The following ASTN1 variants were observed in gnomAD, a reference collection of about 807,000 sequenced individuals.
ASTN1 encodes the protein astrotactin 1.
ASTN1 carries 41 observed loss-of-function variants against 140.7 expected under a neutral mutation model. That is an observed-to-expected ratio of 0.29 (90% CI 0.23 to 0.38). The LOEUF is 0.38. Among genes scored for constraint, ASTN1 ranks in the 10% least tolerant of loss-of-function variants. The pLI is 1.00. For synonymous variants in ASTN1, 640 were observed against 652.2 expected (o/e 0.98, Z 0.29); for missense variants, 1,479 against 1,678.8 (o/e 0.88, Z 2.08).
intron 1 of ASTN1, among the ~76,000 whole-genome samples, chr1:177,066,614 C>T (rs1162518263): frequency 6.6e-6 from 1 of 152,164 alleles, no homozygotes; most frequent in East Asian, 1.9e-4. Context: ...TTCATGCTGG[C>T]AGTCCCTGAA....
At chr1:176,939,570 G>T (rs1282457791) in intron 14 of ASTN1, among the ~76,000 whole-genome samples, 1 of 152,016 alleles carries the variant, frequency 6.6e-6, no homozygotes, top group Admixed American at 6.6e-5. Context: ...ATATTTTCTA[G>T]GTGAGCCATA....
rs893813104 is a variant in ASTN1 at position 177,057,687 on chromosome 1, T to C, written c.471+3391A>G. 2.6e-5 allele frequency among the ~76,000 whole-genome samples: 4 copies of C among 152,158 alleles called. No individual in the cohort carries two copies. In the East Asian group the frequency reaches 7.7e-4, roughly 29 times the overall value. Reference sequence around the variant, plus strand: ...TCCAATTATGCTATTTTGATCTAATTTGAAAACTGTATCAATATTGATCAT... The same window carrying C: ...TCCAATTATGCTATTTTGATCTAATCTGAAAACTGTATCAATATTGATCAT... On this transcript the variant is annotated intron_variant, in intron 2 of 22. Coordinates refer to ENST00000361833, the MANE Select transcript of ASTN1 (RefSeq NM_004319.3).
intron 1 of ASTN1, among the ~76,000 whole-genome samples, chr1:177,083,447 GA>G (rs1031061546): frequency 2.7e-5 from 4 of 149,878 alleles, no homozygotes; most frequent in South Asian, 2.1e-4. Context: ...GCGCCATTGA[GA>G]AAAAAAAATG....
intron 17 of ASTN1, among the ~76,000 whole-genome samples, chr1:176,890,671 G>A (rs1245423650): frequency 6.6e-6 from 1 of 152,198 alleles, no homozygotes; most frequent in Non-Finnish European, 1.5e-5. Flanking sequence ...TGACAAATAA[G>A]CTAAATGTCA....
chr1:176,867,070 A>C (rs2103010270), intron 22 of ASTN1, among the ~76,000 whole-genome samples: 1 of 152,316 alleles, frequency 6.6e-6, no homozygotes, highest in Middle Eastern at 3.4e-3. Context: ...GAGAGTGTGC[A>C]GTCAGCGGTG....
At chr1:177,116,457 G>A (rs11576931) in intron 1 of ASTN1, among the ~76,000 whole-genome samples, 6,438 of 152,166 alleles carry the variant, frequency 0.042, 185 homozygotes, top group Admixed American at 0.062. Context: ...TTAGGTAACA[G>A]TTTCCTTCCC....
At chr1:177,131,247 T>A (rs1681925276) in intron 1 of ASTN1, among the ~76,000 whole-genome samples, 1 of 152,088 alleles carries the variant, frequency 6.6e-6, no homozygotes, top group Admixed American at 6.6e-5. Context: ...TTTGACAGAG[T>A]GTGTAATTGT....
chr1:177,024,560 C>T (rs1205172037), intron 6 of ASTN1, 23 bp downstream of exon 6: 8 of 1,609,818 alleles, frequency 5.0e-6, no homozygotes, highest in East Asian at 4.5e-5. Flanking sequence ...GGCAAGGTCG[C>T]ATCCTCAGAA....
chr1:177,125,285 A>C (rs1255073194), intron 1 of ASTN1, among the ~76,000 whole-genome samples: 1 of 152,202 alleles, frequency 6.6e-6, no homozygotes, highest in Non-Finnish European at 1.5e-5. Flanking sequence ...ATAGAGATTA[A>C]TTTAGGCAAA....
intron 1 of ASTN1, among the ~76,000 whole-genome samples, chr1:177,075,423 C>CA (rs5778926): frequency 4.1e-4 from 60 of 145,696 alleles, no homozygotes; most frequent in African/African-American, 1.4e-3. Flanking sequence ...TTTCATTCAT[C>CA]AAAAAAAAAA....
At chr1:177,005,856 G>T (rs1168267667) in intron 8 of ASTN1, among the ~76,000 whole-genome samples, 1 of 152,218 alleles carries the variant, frequency 6.6e-6, no homozygotes, top group South Asian at 2.1e-4. Context: ...TGTTCCACTC[G>T]CCTTGACCTC....
intron 2 of ASTN1, among the ~76,000 whole-genome samples, chr1:177,047,606 G>A (rs1677304191): frequency 6.6e-6 from 1 of 152,162 alleles, no homozygotes; most frequent in Non-Finnish European, 1.5e-5. Flanking sequence ...AGACAAGAGT[G>A]AAGAGGATGG....
At chr1:177,027,216 C>T (rs1014310017) in intron 5 of ASTN1, among the ~76,000 whole-genome samples, 1 of 152,084 alleles carries the variant, frequency 6.6e-6, no homozygotes, top group Admixed American at 6.5e-5. Flanking sequence ...TAAACACTTC[C>T]CTGAAACCTC....
chr1:176,998,221 A>C (rs904062138), intron 8 of ASTN1, among the ~76,000 whole-genome samples: 3 of 152,280 alleles, frequency 2.0e-5, no homozygotes, highest in South Asian at 2.1e-4. Context: ...TCATCTGTAA[A>C]ATGTGAGGAG....
chr1:176,867,782 A>C (rs986592909), intron 22 of ASTN1, among the ~76,000 whole-genome samples: 2 of 152,188 alleles, frequency 1.3e-5, no homozygotes, highest in African/African-American at 4.8e-5. Context: ...AGGCCAAATG[A>C]GGATGATTCT....
chr1:177,107,933 T>A (rs1214669116), intron 1 of ASTN1, among the ~76,000 whole-genome samples: 2 of 152,096 alleles, frequency 1.3e-5, no homozygotes, highest in South Asian at 2.1e-4. Flanking sequence ...ACTTTTTTTT[T>A]AAGGGATGTT....
Position 177,049,031 on chromosome 1 carries a change from C to G in ASTN1, c.471+12047G>C, listed in dbSNP as rs371485204. Among the ~76,000 whole-genome samples the G allele has an allele frequency of 2.0e-5, 3 of 152,292 alleles. No homozygotes were observed. In the East Asian group the frequency reaches 5.8e-4, roughly 29 times the overall value. On this transcript the variant is annotated intron_variant, in intron 2 of 22. Coordinates refer to ENST00000361833, the MANE Select transcript of ASTN1 (RefSeq NM_004319.3). ...CCAAGCCCAGCATACTGCCCATAGA[C>G]CATCACCTCATACTCGTAAATGGAA...
intron 1 of ASTN1, among the ~76,000 whole-genome samples, chr1:177,160,402 C>T (rs984887859): frequency 1.3e-5 from 2 of 152,216 alleles, no homozygotes; most frequent in African/African-American, 2.4e-5. Context: ...TACATCTCTG[C>T]AGGCTGATTG....
rs1213653042 is a variant in ASTN1, at chr1:176,862,380, G to A, written c.*1904C>T. On this transcript the variant is annotated 3_prime_UTR_variant, in exon 23 of 23. Coordinates refer to ENST00000361833, the MANE Select transcript of ASTN1 (RefSeq NM_004319.3). ...GTGGGGAGGAGGGCCATGTGCAGTG[G>A]AACTAGGGGTCCCAAGGGTGCTCTA... 1.0e-6 allele frequency: 1 copy of A among 985,370 alleles called. No homozygotes were observed. Among genetic ancestry groups the A allele is most frequent in the African/African-American group, 1.7e-5 (1 of 57,244 alleles). 61.0% of individuals were successfully genotyped at this position (985,370 alleles called of 1,614,324 possible). A position where few individuals can be genotyped will look rare whatever the true frequency, so the allele number is the denominator to read the frequency against.
Sources: gnomAD v4.1 joint callset for allele counts (sites outside exome capture counted in the v4.1 genomes callset) on GRCh38, gnomAD v4.1.1 for gene constraint, MANE v1.5 for transcripts, NCBI Gene and HGNC (gene_info 2026-07-23, HGNC 2026-07-21) for gene names.